Variants in HS1BP3 observed in about 807,000 individuals in gnomAD.
HS1BP3 encodes the protein HCLS1 binding protein 3, also known as HCLS1-binding protein 3.
Under a neutral mutation model 33.5 loss-of-function variants are expected in HS1BP3, and 32 were observed. The ratio of observed to expected loss-of-function variants is 0.95; its 90% CI spans 0.72 to 1.28. HS1BP3 has a LOEUF of 1.28. HS1BP3 is among the 50% of genes most tolerant of loss of function. The pLI is 0.00. For synonymous variants in HS1BP3, 187 were observed against 209.2 expected (o/e 0.89, Z 0.92); for missense variants, 486 against 502.3 (o/e 0.97, Z 0.31).
chr2:20,593,897 G>A (rs144309729), intron 3 of HS1BP3, among the ~76,000 whole-genome samples: 14 of 152,304 alleles, frequency 9.2e-5, no homozygotes, highest in Admixed American at 8.5e-4. Flanking sequence ...CTGCCCCAGG[G>A]CCTGCAACAC....
intron 2 of HS1BP3, among the ~76,000 whole-genome samples, chr2:20,604,160 A>C (rs993174547): frequency 2.6e-5 from 4 of 152,244 alleles, no homozygotes; most frequent in African/African-American, 9.6e-5. Flanking sequence ...TGAGAAACTC[A>C]GGGGAGGTTC....
At chr2:20,619,358 C>A (rs533607839) in intron 6 of HS1BP3, 113 bp from the exon 7 acceptor site, 2 of 951,740 alleles carry the variant, frequency 2.1e-6, no homozygotes, top group African/African-American at 3.3e-5. Flanking sequence ...GGGAGCCCAG[C>A]CTCGGCCAGG....
chr2:20,580,179 G>C (rs570945777), intron 5 of HS1BP3, among the ~76,000 whole-genome samples: 6 of 152,392 alleles, frequency 3.9e-5, no homozygotes, highest in East Asian at 1.9e-4. Context: ...AGGCAAGGCT[G>C]AGGGCCTGCC....
chr2:20,580,794 G>A (rs990056108), intron 5 of HS1BP3, among the ~76,000 whole-genome samples: 1 of 152,198 alleles, frequency 6.6e-6, no homozygotes, highest in Admixed American at 6.5e-5. Flanking sequence ...ACCCTCAGGA[G>A]CTGCTGGTGG....
At position 20,618,993 on chromosome 2, in the gene HS1BP3, G is replaced by A. The variant is rs778390412; in HGVS notation, c.1173C>T (p.Leu391=). The change falls in exon 7 of 7, where the codon CTC becomes CTT. Residue 391 remains leucine (L), a synonymous_variant. Transcript: ENST00000304031. ...HDTPAQAAPS[L]F ...AGGGGCCAGCATGGAAGGGTCAGAA[G>A]AGGCTGGGGGCGGCCTGGGCTGGTG... 2 of 1,613,592 alleles carry A rather than the reference G, an allele frequency of 1.2e-6. No homozygotes were observed. The highest frequency in any genetic ancestry group is 1.7e-6 in the Non-Finnish European group (2 of 1,179,718).
intron 1 of HS1BP3, among the ~76,000 whole-genome samples, chr2:20,645,956 G>C (rs1311375394): frequency 6.6e-6 from 1 of 152,176 alleles, no homozygotes; most frequent in African/African-American, 2.4e-5. Context: ...AGGCCCCCTG[G>C]GGGGGACACG....
intron 5 of HS1BP3, among the ~76,000 whole-genome samples, chr2:20,573,464 C>T (rs1693324043): frequency 6.6e-6 from 1 of 152,190 alleles, no homozygotes; most frequent in East Asian, 1.9e-4. Context: ...CCCCTAACTG[C>T]TTTTAATCCT....
chr2:20,573,023 C>T (rs374845131), intron 5 of HS1BP3, among the ~76,000 whole-genome samples: 2 of 152,326 alleles, frequency 1.3e-5, no homozygotes, highest in East Asian at 3.9e-4. Context: ...AAAGTACCCC[C>T]AAGATAACAG....
intron 2 of HS1BP3, among the ~76,000 whole-genome samples, chr2:20,642,164 TCA>T (rs1695373147): frequency 1.3e-5 from 2 of 152,364 alleles, no homozygotes; most frequent in East Asian, 3.9e-4. Flanking sequence ...TGTGGGTCAC[TCA>T]CTCTTATGCT....
intron 2 of HS1BP3, among the ~76,000 whole-genome samples, chr2:20,643,385 A>G (rs1695418983): frequency 6.6e-6 from 1 of 152,156 alleles, no homozygotes; most frequent in Non-Finnish European, 1.5e-5. Context: ...ATCAAGCTCA[A>G]ATACTCTCCT....
intron 3 of HS1BP3, chr2:20,598,104 T>C (rs1440793243): frequency 6.0e-6 from 1 of 165,772 alleles, no homozygotes; most frequent in Non-Finnish European, 1.3e-5. Flanking sequence ...AAACTGGAGA[T>C]GGAGGGATGG....
the HS1BP3 span, among the ~76,000 whole-genome samples, chr2:20,554,583 C>T: frequency 6.6e-5 from 10 of 151,692 alleles, no homozygotes; most frequent in Admixed American, 2.0e-4. Context: ...ATTGGCCGGG[C>T]GTGGTGGTGG....
intron 2 of HS1BP3, among the ~76,000 whole-genome samples, chr2:20,642,137 G>T (rs1198150751): frequency 6.6e-6 from 1 of 152,232 alleles, no homozygotes; most frequent in African/African-American, 2.4e-5. Context: ...GACTGGGCCT[G>T]TCTCCCCCGA....
Position 20,624,847 on chromosome 2 carries a change from C to T in HS1BP3, c.669G>A (p.Lys223=). Reference sequence around the variant, plus strand: ...CAAAGATGGTGAGCCGGGGCGAGGGCTTGGCTTTCACGGCCACTTTGGGAT... The same window carrying T: ...CAAAGATGGTGAGCCGGGGCGAGGGTTTGGCTTTCACGGCCACTTTGGGAT... The part of the protein sequence containing the change: ...KKHPKVAVKA[K]PSPRLTIFDE... The change falls in exon 5 of 7, where the codon AAG becomes AAA. Residue 223 remains lysine (K), a synonymous_variant. Transcript: ENST00000304031. The T allele has an allele frequency of 6.2e-7, 1 of 1,613,840 alleles. No individual in the cohort carries two copies. The highest frequency in any genetic ancestry group is 8.5e-7 in the Non-Finnish European group (1 of 1,179,980).
chr2:20,590,704 T>C (rs555805018), downstream of HS1BP3: 1 of 152,984 alleles, frequency 6.5e-6, no homozygotes, highest in South Asian at 2.1e-4. Flanking sequence ...CCAGTGTGGA[T>C]CCAGTGAGAA....
chr2:20,596,093 G>A (rs1057474572), intron 3 of HS1BP3, among the ~76,000 whole-genome samples: 7 of 152,108 alleles, frequency 4.6e-5, no homozygotes, highest in African/African-American at 9.7e-5. Flanking sequence ...CTTGAAAACC[G>A]CTGACCCACA....
intron 2 of HS1BP3, among the ~76,000 whole-genome samples, chr2:20,608,867 A>G (rs1694256831): frequency 6.6e-6 from 1 of 151,888 alleles, no homozygotes; most frequent in Non-Finnish European, 1.5e-5. Context: ...CCTATGCCTC[A>G]CTCCTGTGGC....
At chr2:20,629,271 A>T (rs1694895709) in intron 4 of HS1BP3, among the ~76,000 whole-genome samples, 1 of 152,110 alleles carries the variant, frequency 6.6e-6, no homozygotes, top group Non-Finnish European at 1.5e-5. Context: ...CACATGGGCT[A>T]TCACTCGGGG....
At chr2:20,560,417 G>A (rs375130867), downstream of HS1BP3, 10 of 152,490 alleles carry the variant, frequency 6.6e-5, no homozygotes, top group South Asian at 2.1e-4. Context: ...AAGGCTAGAC[G>A]AAGCTGCTGT....
Sources: allele counts gnomAD v4.1 joint callset (sites outside exome capture counted in the v4.1 genomes callset), GRCh38; gene constraint gnomAD v4.1.1; transcripts MANE v1.5; gene names NCBI Gene and HGNC (gene_info 2026-07-23, HGNC 2026-07-21).